Variants in ADCY9 observed in about 807,000 individuals in gnomAD.
The protein encoded by ADCY9 is adenylate cyclase 9, also known as adenylate cyclase type 9.
In ADCY9, 50 loss-of-function variants were observed where a neutral mutation model predicts 101.5. The ratio of observed to expected loss-of-function variants is 0.49; its 90% CI spans 0.39 to 0.62. ADCY9 has a LOEUF of 0.62. Among genes scored for constraint, ADCY9 ranks in the 20% least tolerant of loss-of-function variants. ADCY9 has a pLI of 0.00. For synonymous variants in ADCY9, 905 were observed against 769.3 expected (o/e 1.18, Z -2.92); for missense variants, 1,662 against 1,800.4 (o/e 0.92, Z 1.39).
chr16:3,970,412 C>G (rs572436167), intron 10 of ADCY9, among the ~76,000 whole-genome samples: 1 of 152,226 alleles, frequency 6.6e-6, no homozygotes, highest in East Asian at 1.9e-4. Flanking sequence ...ACTGCAACCT[C>G]CGCTTCCAGG....
At chr16:4,073,242 G>A (rs1387176004) in intron 2 of ADCY9, among the ~76,000 whole-genome samples, 1 of 138,540 alleles carries the variant, frequency 7.2e-6, no homozygotes, top group African/African-American at 2.7e-5. Context: ...CTACAGGCAT[G>A]CGCCACCATG....
At chr16:4,081,713 G>A (rs772383750) in intron 2 of ADCY9, among the ~76,000 whole-genome samples, 9 of 150,016 alleles carry the variant, frequency 6.0e-5, no homozygotes, top group Non-Finnish European at 1.0e-4. Flanking sequence ...GGAGGAGGGC[G>A]CTGTGTCTGC....
At chr16:4,031,809 C>G (rs1203083479) in intron 2 of ADCY9, among the ~76,000 whole-genome samples, 1 of 151,532 alleles carries the variant, frequency 6.6e-6, no homozygotes, top group African/African-American at 2.4e-5. Flanking sequence ...CCTGGGAGGT[C>G]GAGGCAGAGG....
intron 2 of ADCY9, among the ~76,000 whole-genome samples, chr16:4,076,437 T>C (rs1464868689): frequency 1.3e-5 from 2 of 152,256 alleles, no homozygotes; most frequent in Non-Finnish European, 2.9e-5. Flanking sequence ...TCCAGTTTTC[T>C]GTTTCGTGTT....
intron 2 of ADCY9, among the ~76,000 whole-genome samples, chr16:4,046,582 T>C (rs140190806): frequency 6.6e-6 from 1 of 152,278 alleles, no homozygotes; most frequent in African/African-American, 2.4e-5. Context: ...CTTGTCTACT[T>C]CATGAAAAAG....
intron 2 of ADCY9, among the ~76,000 whole-genome samples, chr16:4,053,425 A>C (rs1039759740): frequency 6.6e-6 from 1 of 152,178 alleles, no homozygotes; most frequent in Non-Finnish European, 1.5e-5. Flanking sequence ...CTTTGAGAAG[A>C]GCTCTCGACG....
chr16:3,966,889 AC>A lies in ADCY9; in HGVS notation c.2947del (p.Val983PhefsTer14). On this transcript the variant is annotated frameshift_variant, in exon 11 of 11. Transcript: ENST00000294016. LOFTEE classifies it high-confidence loss of function. Reference sequence around the variant, plus strand: ...CAAGAGCAGGAGAAAGAAGACGAGAACCACCTCCTGGCCGATGAGGCTGGCG... The same window carrying A: ...CAAGAGCAGGAGAAAGAAGACGAGAACACCTCCTGGCCGATGAGGCTGGCG... ...RPASLIGQEV[V>X]LVFFLLLLLV... 6.2e-7 allele frequency: 1 copy of A among 1,614,088 alleles called. No homozygotes were observed.
chr16:4,028,778 T>G (rs930932697), intron 2 of ADCY9, among the ~76,000 whole-genome samples: 2 of 152,024 alleles, frequency 1.3e-5, no homozygotes, highest in African/African-American at 4.8e-5. Flanking sequence ...GTTATCTATT[T>G]TCTTTTTTTC....
At chr16:4,005,223 A>G (rs887246) in intron 3 of ADCY9, among the ~76,000 whole-genome samples, 144,188 of 152,146 alleles carry the variant, frequency 0.95, 68,762 homozygotes, top group East Asian at 1. Context: ...ACCACTGAGC[A>G]CCCTCCTCCC....
At chr16:3,972,731 T>C (rs2056063382) in intron 10 of ADCY9, among the ~76,000 whole-genome samples, 1 of 152,110 alleles carries the variant, frequency 6.6e-6, no homozygotes, top group South Asian at 2.1e-4. Flanking sequence ...TTCAGTGCCA[T>C]TTAAAATCTG....
chr16:4,108,360 A>ATTTT lies in ADCY9; in HGVS notation c.1693+5386_1693+5389dup, dbSNP rs869169536. On this transcript the variant is annotated intron_variant, in intron 2 of 10. Coordinates refer to ENST00000294016, the MANE Select transcript of ADCY9 (RefSeq NM_001116.4). ...CTCACCTTAATCAGACCGTTTCTTC[A>ATTTT]TTTTTTTTTTTTTTTTTTTTTTTTT... Among the ~76,000 whole-genome samples, 251 of 53,748 alleles carry ATTTT rather than the reference A, an allele frequency of 4.7e-3. 33 individuals carry two copies. Among genetic ancestry groups the ATTTT allele is most frequent in the Middle Eastern group, 0.025 (1 of 40 alleles). 35.3% of individuals were successfully genotyped at this position (53,748 alleles called of 152,430 possible).
At chr16:4,057,306 T>C (rs992433910) in intron 2 of ADCY9, among the ~76,000 whole-genome samples, 1 of 152,018 alleles carries the variant, frequency 6.6e-6, no homozygotes, top group Non-Finnish European at 1.5e-5. Context: ...ATAACAGCTT[T>C]ATTGAGATAT....
intron 2 of ADCY9, among the ~76,000 whole-genome samples, chr16:4,087,523 G>A (rs1465099640): frequency 4.9e-5 from 7 of 142,906 alleles, no homozygotes; most frequent in Non-Finnish European, 9.1e-5. Context: ...GCAACAGAGC[G>A]AGATTCCATC....
chr16:4,114,677 A>G lies in ADCY9; in HGVS notation c.766T>C (p.Phe256Leu). 6.2e-7 allele frequency: 1 copy of G among 1,613,230 alleles called. No homozygotes were observed. Among genetic ancestry groups the G allele is most frequent in the Non-Finnish European group, 8.5e-7 (1 of 1,180,030 alleles). ...LCLGVAYSVL[F>L]ETFGYHFRDE... ...CGGAAATGGTAGCCAAAGGTCTCGAAAAGGACAGAGTAGGCCACCCCCAGA... is the reference window on the plus strand; with the variant it reads ...CGGAAATGGTAGCCAAAGGTCTCGAGAAGGACAGAGTAGGCCACCCCCAGA... Residue 256 changes from phenylalanine to leucine, a missense_variant, in exon 2 of 11, where the codon TTC (phenylalanine) becomes CTC (leucine). Physicochemically the swap from Phe to Leu is conservative, Grantham distance 22. This residue lies in a region of ADCY9 where 422 missense variants were observed against 392.0 expected (regional missense o/e 1.08). Transcript: ENST00000294016. This position sits in a 1 kb window ranked among gnomAD's most constrained non-coding sequence, Gnocchi z 4.3.
intron 5 of ADCY9, among the ~76,000 whole-genome samples, chr16:3,990,397 T>C (rs1387663687): frequency 6.6e-6 from 1 of 150,634 alleles, no homozygotes; most frequent in South Asian, 2.1e-4. Context: ...ACCTGGGAGA[T>C]GGAGGTTGCA....
rs545786585 is a variant in ADCY9, at chr16:3,966,876, A to G, written c.2961T>C (p.Phe987=). 13 of 1,614,160 alleles carry G rather than the reference A, an allele frequency of 8.1e-6. No homozygotes were observed. In the East Asian group the frequency reaches 2.7e-4, roughly 33 times the overall value. ...GGAACCAGACCAACAAGAGCAGGAG[A>G]AAGAAGACGAGAACCACCTCCTGGC... ...LIGQEVVLVF[F]LLLLLVWFLN... is the part of the protein sequence containing the mutation. Residue 987 remains phenylalanine, a synonymous_variant, in exon 11 of 11, where the codon TTT becomes TTC. Transcript: ENST00000294016.
Position 4,084,632 on chromosome 16 carries a change from G to A in ADCY9, c.1693+29118C>T, listed in dbSNP as rs913305817. Among the ~76,000 whole-genome samples, 5 of 152,148 alleles carry A rather than the reference G, an allele frequency of 3.3e-5. No individual in the cohort carries two copies. In the South Asian group the frequency reaches 1.0e-3, roughly 32 times the overall value. On this transcript the variant is annotated intron_variant, in intron 2 of 10. Transcript: ENST00000294016. ...CTCCAGCTACTCAGGAGGCTGAGGT[G>A]GAAGGATCACTTGAGCCTGGGTGGT...
At chr16:4,077,923 C>G (rs1485347307) in intron 2 of ADCY9, among the ~76,000 whole-genome samples, 1 of 151,284 alleles carries the variant, frequency 6.6e-6, no homozygotes, top group Non-Finnish European at 1.5e-5. Flanking sequence ...TGCTTGAACC[C>G]AGGAGGCAGA....
chr16:4,100,743 C>CA (rs35359235), intron 2 of ADCY9, among the ~76,000 whole-genome samples: 18,438 of 114,928 alleles, frequency 0.16, 1,489 homozygotes, highest in African/African-American at 0.26. Flanking sequence ...ACTCTTGTCT[C>CA]AAAAAAAAAA....
Sources: allele counts gnomAD v4.1 joint callset (sites outside exome capture counted in the v4.1 genomes callset), GRCh38; gene constraint gnomAD v4.1.1; regional missense constraint gnomAD v4.1.1; non-coding constraint Gnocchi (gnomAD v3.1); transcripts MANE v1.5; gene names NCBI Gene and HGNC (gene_info 2026-07-23, HGNC 2026-07-21).